Variants in BBS9 observed in about 807,000 individuals in gnomAD.
The protein encoded by BBS9 is protein PTHB1.
Under a neutral mutation model 117.7 loss-of-function variants are expected in BBS9, and 89 were observed. That is an observed-to-expected ratio of 0.76 (90% CI 0.64 to 0.90). The LOEUF (loss-of-function observed/expected upper bound fraction) is 0.90, where lower values mean the gene tolerates loss of function less well. BBS9 is among the 40% of genes least tolerant of loss of function. The pLI is 0.00. For synonymous variants in BBS9, 379 were observed against 370.9 expected (o/e 1.02, Z -0.25); for missense variants, 982 against 1,042.2 (o/e 0.94, Z 0.80).
At chr7:33,346,646 T>A (rs1441347788) in intron 12 of BBS9, among the ~76,000 whole-genome samples, 1 of 152,206 alleles carries the variant, frequency 6.6e-6, no homozygotes, top group African/African-American at 2.4e-5. Context: ...CTCCTTGATT[T>A]GTATTTTGAA....
At chr7:33,474,679 G>GGCTC (rs1185234219) in intron 19 of BBS9, among the ~76,000 whole-genome samples, 27 of 152,268 alleles carry the variant, frequency 1.8e-4, no homozygotes, top group African/African-American at 6.0e-4. Flanking sequence ...TGGGCGTGAT[G>GGCTC]GCTCACTCCT....
intron 1 of BBS9, among the ~76,000 whole-genome samples, chr7:33,137,703 G>A (rs1039301254): frequency 6.6e-6 from 1 of 152,006 alleles, no homozygotes; most frequent in African/African-American, 2.4e-5. Flanking sequence ...AACAAATGAT[G>A]ACTATTGATT....
intron 19 of BBS9, among the ~76,000 whole-genome samples, chr7:33,402,673 G>T (rs1005684322): frequency 1.3e-5 from 2 of 152,092 alleles, no homozygotes; most frequent in East Asian, 3.8e-4. Context: ...TTCCTCAGTG[G>T]TTGCTCCTTT....
intron 19 of BBS9, among the ~76,000 whole-genome samples, chr7:33,476,685 C>G (rs1841847776): frequency 1.3e-5 from 2 of 152,192 alleles, no homozygotes; most frequent in South Asian, 4.1e-4. Context: ...ACCTACTAAA[C>G]TCCACATCAA....
chr7:33,161,089 T>G (rs1164690426), intron 4 of BBS9, among the ~76,000 whole-genome samples: 1 of 152,054 alleles, frequency 6.6e-6, no homozygotes, highest in Non-Finnish European at 1.5e-5. Flanking sequence ...TGTAAACTCT[T>G]TTAGCAACAT....
intron 5 of BBS9, among the ~76,000 whole-genome samples, chr7:33,193,441 T>G (rs1474047425): frequency 1.9e-5 from 2 of 104,678 alleles, no homozygotes; most frequent in Admixed American, 1.1e-4. Flanking sequence ...TTTTTTTTTT[T>G]GTAGTATGTT....
chr7:33,495,789 C>G (rs887310234), intron 19 of BBS9, among the ~76,000 whole-genome samples: 1 of 152,034 alleles, frequency 6.6e-6, no homozygotes, highest in Non-Finnish European at 1.5e-5. Context: ...CATTGGAGTT[C>G]GTTTCCTTTC....
intron 5 of BBS9, among the ~76,000 whole-genome samples, chr7:33,217,153 T>G (rs1207754772): frequency 1.3e-5 from 2 of 152,020 alleles, no homozygotes; most frequent in Non-Finnish European, 1.5e-5. Flanking sequence ...AAGGAATATA[T>G]TTGGTGAAAT....
rs191795896 is a variant in BBS9 at position 33,268,801 on chromosome 7, A to G, written c.703-4211A>G. Reference sequence around the variant, plus strand: ...GATCTCAGACTGTGGCCTCAGAAACATGATTTGCCTGTTCACTTTGGATAA... The same window carrying G: ...GATCTCAGACTGTGGCCTCAGAAACGTGATTTGCCTGTTCACTTTGGATAA... On this transcript the variant is annotated intron_variant, in intron 7 of 22. Coordinates refer to ENST00000242067, the MANE Select transcript of BBS9 (RefSeq NM_198428.3). Among the ~76,000 whole-genome samples the G allele has an allele frequency of 2.1e-3, 320 of 152,336 alleles. 3 individuals carry two copies. The highest frequency in any genetic ancestry group is 7.2e-3 in the African/African-American group (299 of 41,578).
chr7:33,300,909 T>G (rs1192520806), intron 9 of BBS9, among the ~76,000 whole-genome samples: 10 of 152,150 alleles, frequency 6.6e-5, no homozygotes, highest in Admixed American at 6.6e-4. Context: ...AAAAAATCTG[T>G]TTATTTTTTG....
chr7:33,567,355 C>T (rs1027153143), intron 21 of BBS9, among the ~76,000 whole-genome samples: 41 of 152,256 alleles, frequency 2.7e-4, no homozygotes, highest in African/African-American at 9.9e-4. Context: ...CTATTTTGTT[C>T]TCCTACTTTG....
At chr7:33,234,076 A>G (rs1334234303) in intron 5 of BBS9, among the ~76,000 whole-genome samples, 1 of 152,200 alleles carries the variant, frequency 6.6e-6, no homozygotes, top group Non-Finnish European at 1.5e-5. Flanking sequence ...GTCACTTAGT[A>G]GCCTTCTCAA....
chr7:33,635,051 C>T (rs756227803), intron 21 of BBS9, among the ~76,000 whole-genome samples: 4 of 152,192 alleles, frequency 2.6e-5, no homozygotes, highest in African/African-American at 2.4e-5. Flanking sequence ...TTCCTTTTCC[C>T]CCGGTTCAAT....
intron 20 of BBS9, among the ~76,000 whole-genome samples, chr7:33,513,869 A>C (rs1440242779): frequency 6.6e-6 from 1 of 152,192 alleles, no homozygotes; most frequent in Admixed American, 6.5e-5. Context: ...GCTGACAGAC[A>C]TATGGTGAAA....
chr7:33,354,399 G>A (rs907904481), intron 15 of BBS9, among the ~76,000 whole-genome samples: 1 of 152,072 alleles, frequency 6.6e-6, no homozygotes, highest in African/African-American at 2.4e-5. Context: ...GTCCCATAAG[G>A]GTTAGTCTCC....
chr7:33,428,449 A>G (rs1215645994), intron 19 of BBS9, among the ~76,000 whole-genome samples: 1 of 152,166 alleles, frequency 6.6e-6, no homozygotes, highest in Admixed American at 6.6e-5. Context: ...TCAGTGTTTT[A>G]TGGGTTTCCA....
intron 19 of BBS9, among the ~76,000 whole-genome samples, chr7:33,449,606 T>C (rs914800797): frequency 6.6e-6 from 1 of 152,190 alleles, no homozygotes; most frequent in African/African-American, 2.4e-5. Flanking sequence ...CCAAGTTTAA[T>C]GAGTAAGTTT....
At chr7:33,153,727 G>C (rs1793693423) in intron 3 of BBS9, among the ~76,000 whole-genome samples, 1 of 152,172 alleles carries the variant, frequency 6.6e-6, no homozygotes, top group Non-Finnish European at 1.5e-5. Context: ...GTTTTATTCT[G>C]TTGGGAAGCT....
At chr7:33,490,551 G>T (rs1036238129) in intron 19 of BBS9, among the ~76,000 whole-genome samples, 1 of 152,100 alleles carries the variant, frequency 6.6e-6, no homozygotes, top group Non-Finnish European at 1.5e-5. Context: ...TCTCATAACT[G>T]TGAAAAATGT....
Sources: gnomAD v4.1 joint callset for allele counts (sites outside exome capture counted in the v4.1 genomes callset) on GRCh38, gnomAD v4.1.1 for gene constraint, MANE v1.5 for transcripts, NCBI Gene and HGNC (gene_info 2026-07-23, HGNC 2026-07-21) for gene names.